The following C12orf54 variants were observed in gnomAD, a reference collection of about 807,000 sequenced individuals.
The protein encoded by C12orf54 is chromosome 12 open reading frame 54, also known as uncharacterized protein C12orf54.
In C12orf54, 24 loss-of-function variants were observed where a neutral mutation model predicts 26.4. The observed-to-expected ratio is 0.91, with a 90% CI of 0.66 to 1.28. The LOEUF (loss-of-function observed/expected upper bound fraction) is 1.28, where lower values mean the gene tolerates loss of function less well. C12orf54 is among the 50% of genes most tolerant of loss of function. C12orf54 has a pLI of 0.00. For missense variants in C12orf54, 154 were observed against 150.9 expected (o/e 1.02, Z -0.11); for synonymous variants, 54 against 47.0 (o/e 1.15, Z -0.61).
At chr12:48,414,681 G>A in the C12orf54 span, among the ~76,000 whole-genome samples, 2 of 152,170 alleles carry the variant, frequency 1.3e-5, no homozygotes, top group South Asian at 2.1e-4. Flanking sequence ...TGGGCCCTAA[G>A]TTGCTGGGGA....
chr12:48,462,768 A>G, the C12orf54 span, among the ~76,000 whole-genome samples: 2 of 151,764 alleles, frequency 1.3e-5, no homozygotes, highest in African/African-American at 4.8e-5. Context: ...ATCTATATCT[A>G]TAGAAGTATA....
At chr12:48,445,122 A>G in the C12orf54 span, among the ~76,000 whole-genome samples, 6 of 152,138 alleles carry the variant, frequency 3.9e-5, no homozygotes, top group African/African-American at 1.4e-4. Context: ...GCAGTGAGCC[A>G]AGATCGTGCC....
the C12orf54 span, among the ~76,000 whole-genome samples, chr12:48,439,077 C>G: frequency 6.6e-6 from 1 of 152,124 alleles, no homozygotes. Flanking sequence ...ACAAACAACC[C>G]CATCAAAACG....
In C12orf54 at chr12:48,490,931, T is replaced by C. The variant is rs766612283; in HGVS notation, c.193+95T>C. The C allele has an allele frequency of 9.6e-6, 14 of 1,463,494 alleles. No individual in the cohort carries two copies. In the Admixed American group the frequency reaches 2.2e-4, roughly 23 times the overall value. 90.7% of individuals were successfully genotyped at this position (1,463,494 alleles called of 1,614,324 possible). Reference sequence around the variant, plus strand: ...TATCCATTTGCCATACAAAAGAAAATGGAGATAAGAAGTGAGATATGGAGT... The same window carrying C: ...TATCCATTTGCCATACAAAAGAAAACGGAGATAAGAAGTGAGATATGGAGT... On this transcript the variant is annotated intron_variant, in intron 6 of 8. Coordinates refer to ENST00000548364, the MANE Select transcript of C12orf54 (RefSeq NM_152319.4).
intron 2 of C12orf54, among the ~76,000 whole-genome samples, chr12:48,484,515 A>G (rs1291181555): frequency 6.6e-6 from 1 of 152,234 alleles, no homozygotes; most frequent in African/African-American, 2.4e-5. Context: ...TGGACAGGAC[A>G]CTGTAAAAAT....
the C12orf54 span, among the ~76,000 whole-genome samples, chr12:48,476,900 T>G: frequency 6.6e-6 from 1 of 152,190 alleles, no homozygotes; most frequent in Non-Finnish European, 1.5e-5. Context: ...GCGGACCTAA[T>G]AGACATCTAC....
chr12:48,483,991 C>T (rs1024006511), intron 2 of C12orf54, among the ~76,000 whole-genome samples: 2 of 152,070 alleles, frequency 1.3e-5, no homozygotes, highest in Admixed American at 1.3e-4. Flanking sequence ...GTTGGGAGTT[C>T]GAGATCAGCC....
the C12orf54 span, among the ~76,000 whole-genome samples, chr12:48,470,119 A>C: frequency 6.6e-6 from 1 of 152,176 alleles, no homozygotes; most frequent in Admixed American, 6.5e-5. Context: ...GGTTGATTCC[A>C]TGTCTTTACT....
At chr12:48,449,964 C>T in the C12orf54 span, among the ~76,000 whole-genome samples, 4 of 152,188 alleles carry the variant, frequency 2.6e-5, no homozygotes, top group African/African-American at 9.7e-5. Context: ...GCCTTTGCTT[C>T]TTCCTCATTT....
chr12:48,473,607 T>G, the C12orf54 span: 2 of 274,492 alleles, frequency 7.3e-6, no homozygotes, highest in Non-Finnish European at 1.4e-5. Context: ...AAAATACTAT[T>G]TTTACTGCCA....
the C12orf54 span, among the ~76,000 whole-genome samples, chr12:48,466,075 C>T: frequency 1.3e-5 from 2 of 151,980 alleles, no homozygotes; most frequent in African/African-American, 2.4e-5. Context: ...TGAACTTTAT[C>T]GAAATTAAAG....
intron 7 of C12orf54, among the ~76,000 whole-genome samples, chr12:48,494,085 G>GT (rs1565573737): frequency 1.7e-5 from 2 of 115,122 alleles, no homozygotes; most frequent in African/African-American, 3.4e-5. Context: ...TGGGCGTGGT[G>GT]GCAGGTGCCT....
chr12:48,472,862 TAAG>T, the C12orf54 span: 1 of 1,613,962 alleles, frequency 6.2e-7, no homozygotes. Context: ...TAAACAAACT[TAAG>T]AAGCTTGAAC....
upstream of C12orf54, among the ~76,000 whole-genome samples, chr12:48,480,611 A>C (rs1467297183): frequency 1.3e-5 from 2 of 152,186 alleles, no homozygotes; most frequent in Non-Finnish European, 2.9e-5. Flanking sequence ...GCTGGTGGGG[A>C]TGCAAATTAG....
upstream of C12orf54, among the ~76,000 whole-genome samples, chr12:48,481,207 T>C (rs1954194751): frequency 9.8e-6 from 1 of 102,474 alleles, no homozygotes; most frequent in South Asian, 3.4e-4. Context: ...AGAGTTTTTT[T>C]TTTAAAAAAA....
the C12orf54 span, among the ~76,000 whole-genome samples, chr12:48,418,529 A>G: frequency 6.6e-6 from 1 of 152,202 alleles, no homozygotes; most frequent in Non-Finnish European, 1.5e-5. Context: ...GTGTAAAAAG[A>G]GAAGTGATGA....
the C12orf54 span, among the ~76,000 whole-genome samples, chr12:48,429,243 T>C: frequency 1.3e-5 from 2 of 152,028 alleles, no homozygotes; most frequent in Non-Finnish European, 2.9e-5. Context: ...AAGCATTCCC[T>C]CTGAGAATGG....
At chr12:48,455,752 A>G in the C12orf54 span, among the ~76,000 whole-genome samples, 56 of 152,354 alleles carry the variant, frequency 3.7e-4, no homozygotes, top group Non-Finnish European at 7.1e-4. Flanking sequence ...ACTGTGTAAA[A>G]TTATGAAAAA....
chr12:48,458,190 C>T, the C12orf54 span, among the ~76,000 whole-genome samples: 5 of 152,196 alleles, frequency 3.3e-5, no homozygotes, highest in Non-Finnish European at 7.3e-5. Context: ...CCAGCCTGAC[C>T]TGCTGGAGTC....
Sources: allele counts gnomAD v4.1 joint callset (sites outside exome capture counted in the v4.1 genomes callset), GRCh38; gene constraint gnomAD v4.1.1; transcripts MANE v1.5; gene names NCBI Gene and HGNC (gene_info 2026-07-23, HGNC 2026-07-21).